TCF4: variants seen among roughly 807,000 people sequenced by gnomAD.
TCF4 encodes transcription factor 4.
A neutral mutation model predicts 82.1 loss-of-function variants in TCF4; 3 were observed. The ratio of observed to expected loss-of-function variants is 0.04; its 90% CI spans 0.02 to 0.09. The LOEUF (loss-of-function observed/expected upper bound fraction) is 0.09, where lower values mean the gene tolerates loss of function less well. Ranked by LOEUF, TCF4 falls within the 10% of genes least tolerant of loss-of-function variation. The probability of loss-of-function intolerance (pLI) is 1.00; values close to 1 mark genes in which losing one functional copy is unlikely to be tolerated. For synonymous variants in TCF4, 276 were observed against 309.6 expected (o/e 0.89, Z 1.14); for missense variants, 518 against 852.7 (o/e 0.61, Z 4.89).
intron 3 of TCF4, among the ~76,000 whole-genome samples, chr18:55,491,191 G>A (rs2096572292): frequency 6.6e-6 from 1 of 152,034 alleles, no homozygotes; most frequent in African/African-American, 2.4e-5. Flanking sequence ...TTTAGTTAAG[G>A]TTTCAAATTA....
intron 8 of TCF4, among the ~76,000 whole-genome samples, chr18:55,316,570 T>G (rs1350501611): frequency 6.6e-6 from 1 of 151,990 alleles, no homozygotes; most frequent in Admixed American, 6.6e-5. Flanking sequence ...AAGGAAGACA[T>G]CACTTATTCT....
At chr18:55,304,888 T>A (rs993291547) in intron 8 of TCF4, among the ~76,000 whole-genome samples, 1 of 152,164 alleles carries the variant, frequency 6.6e-6, no homozygotes, top group Admixed American at 6.5e-5. Flanking sequence ...AGTTTTTAAC[T>A]CAGAAGAGGA....
intron 15 of TCF4, among the ~76,000 whole-genome samples, 185 bp downstream of exon 15, chr18:55,254,312 G>A (rs553246437): frequency 2.6e-5 from 4 of 152,272 alleles, no homozygotes; most frequent in African/African-American, 9.6e-5. Flanking sequence ...AGACTATGGT[G>A]ATGGTTGCAC....
chr18:55,270,968 T>C (rs1480559774), intron 10 of TCF4, among the ~76,000 whole-genome samples: 1 of 152,160 alleles, frequency 6.6e-6, no homozygotes, highest in Non-Finnish European at 1.5e-5. Flanking sequence ...TATTAATGGA[T>C]TATGAGTCTT....
At chr18:55,287,928 T>C (rs1463092896) in intron 8 of TCF4, among the ~76,000 whole-genome samples, 2 of 150,850 alleles carry the variant, frequency 1.3e-5, no homozygotes, top group African/African-American at 2.5e-5. Flanking sequence ...TTGACATGTA[T>C]AGAAATTTAC....
chr18:55,547,512 G>T (rs1490791851), intron 3 of TCF4, among the ~76,000 whole-genome samples: 1 of 152,276 alleles, frequency 6.6e-6, no homozygotes, highest in South Asian at 2.1e-4. Context: ...ACTATGACTG[G>T]TGTCTATTTA....
At chr18:55,392,745 C>A (rs778510612) in intron 6 of TCF4, among the ~76,000 whole-genome samples, 1 of 152,010 alleles carries the variant, frequency 6.6e-6, no homozygotes, top group Non-Finnish European at 1.5e-5. Flanking sequence ...TGCTTACTGT[C>A]TTATAACAGT....
Position 55,606,325 on chromosome 18 carries a change from G to C in TCF4, c.287-19189C>G, listed in dbSNP as rs1032833389. Among the ~76,000 whole-genome samples, 4 of 152,204 alleles carry C rather than the reference G, an allele frequency of 2.6e-5. No homozygotes were observed. In the East Asian group the frequency reaches 7.8e-4, roughly 30 times the overall value. ...TTTATCCCATTACTTTTGAGAGTGT[G>C]AAAATGTGATGATTGCTCTTTTACC... On this transcript the variant is annotated intron_variant, in intron 2 of 20. Coordinates refer to the TCF4 transcript ENST00000398339.
At chr18:55,282,285 A>C (rs1229973516) in intron 8 of TCF4, among the ~76,000 whole-genome samples, 1 of 152,062 alleles carries the variant, frequency 6.6e-6, no homozygotes, top group Non-Finnish European at 1.5e-5. Flanking sequence ...TGAATAATGA[A>C]ATGGTCACAG....
intron 5 of TCF4, among the ~76,000 whole-genome samples, chr18:55,406,414 C>G (rs1361872683): frequency 6.6e-6 from 1 of 151,876 alleles, no homozygotes; most frequent in Non-Finnish European, 1.5e-5. Flanking sequence ...TTTTTAAAGA[C>G]TAAAAGCAGC....
rs1201141839 is a variant in TCF4, at chr18:55,621,639, T to C, written c.286+9659A>G. 1.9e-4 allele frequency among the ~76,000 whole-genome samples: 4 copies of C among 20,844 alleles called. No individual in the cohort carries two copies. In the African/African-American group the frequency reaches 2.1e-3, roughly 11 times the overall value. 13.7% of individuals were successfully genotyped at this position (20,844 alleles called of 152,430 possible). ...AATATTATATATAATATATATATTA[T>C]ATAATATACATTATATAATATACAT... On this transcript the variant is annotated intron_variant, in intron 2 of 20. Coordinates refer to the TCF4 transcript ENST00000398339.
chr18:55,338,371 A>G (rs1390732239), intron 8 of TCF4, among the ~76,000 whole-genome samples: 1 of 152,136 alleles, frequency 6.6e-6, no homozygotes, highest in Non-Finnish European at 1.5e-5. Flanking sequence ...AGCACAGGGG[A>G]CGGAGAGGCA....
At chr18:55,388,146 T>A (rs754012452) in intron 6 of TCF4, among the ~76,000 whole-genome samples, 16 of 152,204 alleles carry the variant, frequency 1.1e-4, no homozygotes, top group African/African-American at 3.9e-4. Flanking sequence ...ACAACAAGGT[T>A]ACAAAATTAA....
rs2059536926 is a variant in TCF4, at chr18:55,267,844, C to A, written c.922+1987G>T. 5 of 152,066 alleles carry A rather than the reference C, an allele frequency of 3.3e-5. No individual in the cohort carries two copies. In the South Asian group the frequency reaches 1.0e-3, roughly 32 times the overall value. 9.4% of individuals were successfully genotyped at this position (152,066 alleles called of 1,614,324 possible). On this transcript the variant is annotated intron_variant, in intron 11 of 19. Coordinates refer to ENST00000354452, the MANE Select transcript of TCF4 (RefSeq NM_001083962.2). ...TCATACTTTTGTTTTTAAATTATAG[C>A]TCCTTTATTATTGTCAAGACCCTTA...
chr18:55,344,435 G>T (rs2080713825), intron 8 of TCF4, among the ~76,000 whole-genome samples: 1 of 152,104 alleles, frequency 6.6e-6, no homozygotes, highest in South Asian at 2.1e-4. Context: ...GGGTAAAGCA[G>T]CCCTGCAGTG....
At chr18:55,550,290 T>C (rs1445661493) in intron 3 of TCF4, 1 of 152,242 alleles carries the variant, frequency 6.6e-6, no homozygotes, top group Non-Finnish European at 1.5e-5. Context: ...GCTACTTTAA[T>C]GTCAATATTT....
At chr18:55,569,585 T>C (rs1008778639) in intron 3 of TCF4, among the ~76,000 whole-genome samples, 3 of 151,844 alleles carry the variant, frequency 2.0e-5, no homozygotes, top group Non-Finnish European at 4.4e-5. Context: ...AAAGACTTTC[T>C]ATATACAAGT....
intron 8 of TCF4, among the ~76,000 whole-genome samples, chr18:55,347,794 G>A (rs2081506264): frequency 6.6e-6 from 1 of 152,120 alleles, no homozygotes; most frequent in African/African-American, 2.4e-5. Context: ...GGGGTAAAGT[G>A]AGTTGCCACA....
chr18:55,351,066 A>G (rs2082217286), intron 6 of TCF4, 63 bp from the exon 7 acceptor site: 1 of 1,600,016 alleles, frequency 6.2e-7, no homozygotes, highest in Admixed American at 1.7e-5. Context: ...CCACCTCCCA[A>G]CTGATTGTTA....
Sources: allele counts gnomAD v4.1 joint callset (sites outside exome capture counted in the v4.1 genomes callset), GRCh38; gene constraint gnomAD v4.1.1; transcripts MANE v1.5; gene names NCBI Gene and HGNC (gene_info 2026-07-23, HGNC 2026-07-21).